Variants in PRKRIP1 observed in about 807,000 individuals in gnomAD.
The protein encoded by PRKRIP1 is PRKR interacting protein 1.
PRKRIP1 carries 29 observed loss-of-function variants against 29.3 expected under a neutral mutation model. The observed-to-expected ratio is 0.99, with a 90% CI of 0.74 to 1.35. The LOEUF (loss-of-function observed/expected upper bound fraction) is 1.35, where lower values mean the gene tolerates loss of function less well. PRKRIP1 is among the 40% of genes most tolerant of loss of function. The pLI is 0.00. For missense variants in PRKRIP1, 247 were observed against 236.8 expected (o/e 1.04, Z -0.28); for synonymous variants, 90 against 85.1 (o/e 1.06, Z -0.32).
At position 102,425,165 on chromosome 7, in the gene PRKRIP1, G is replaced by A; in HGVS notation, c.*54G>A. On this transcript the variant is annotated 3_prime_UTR_variant, in exon 6 of 6. Transcript: ENST00000397912. Reference sequence around the variant, plus strand: ...CCTGGCTCGTGCTGTGACCAGAAGGGAAAGGCGGCTGTTTGGCTCTTTCTC... The same window carrying A: ...CCTGGCTCGTGCTGTGACCAGAAGGAAAAGGCGGCTGTTTGGCTCTTTCTC... 6.4e-7 allele frequency: 1 copy of A among 1,572,862 alleles called. No homozygotes were observed. The highest frequency in any genetic ancestry group is 1.3e-5 in the African/African-American group (1 of 74,460).
chr7:102,409,367 C>T (rs1240962498), intron 5 of PRKRIP1, among the ~76,000 whole-genome samples: 3 of 152,108 alleles, frequency 2.0e-5, no homozygotes, highest in Admixed American at 2.0e-4. Flanking sequence ...ACACTTTCCC[C>T]TCCACCGCAA....
chr7:102,415,177 T>C (rs969769305), intron 5 of PRKRIP1, among the ~76,000 whole-genome samples: 1 of 152,220 alleles, frequency 6.6e-6, no homozygotes, highest in Non-Finnish European at 1.5e-5. Context: ...CCTGCAAGAC[T>C]GTGGAGGCAG....
intron 5 of PRKRIP1, 60 bp downstream of exon 5, chr7:102,407,558 G>A: frequency 4.0e-6 from 5 of 1,249,422 alleles, no homozygotes; most frequent in Non-Finnish European, 5.9e-6. Flanking sequence ...CACAGTGGCT[G>A]AACTGTCAGG....
Position 102,399,438 on chromosome 7 carries a change from A to T in PRKRIP1, c.206-110A>T, listed in dbSNP as rs1435488885. ...GGATACAGTGGGGAGAAAGGAAGGC[A>T]TGGTCCCTTCCACGACTTCCACTTT... is the stretch of plus-strand genomic sequence containing the variant. On this transcript the variant is annotated intron_variant, in intron 2 of 5. Coordinates refer to ENST00000397912, the MANE Select transcript of PRKRIP1 (RefSeq NM_024653.4). The T allele has an allele frequency of 5.0e-6, 4 of 800,408 alleles. No individual in the cohort carries two copies. In the African/African-American group the frequency reaches 5.0e-5, roughly 10 times the overall value. The allele number at this position is 800,408 out of a possible 1,614,324, so 49.6% of individuals were successfully genotyped here.
At chr7:102,407,391 TA>T (rs781850942) in intron 4 of PRKRIP1, 42 bp from the exon 5 acceptor site, 1 of 1,266,320 alleles carries the variant, frequency 7.9e-7, no homozygotes, top group Non-Finnish European at 1.2e-6. Context: ...AAATATACCA[TA>T]ATGTAGTTAA....
In PRKRIP1 at chr7:102,396,434, C is replaced by A. The variant is rs782297524; in HGVS notation, c.23C>A (p.Ser8Ter). ...GCCATGGCTAGCCCAGCCGCCTCCT[C>A]GGTGCGACCACCGAGGCCCAAGAAA... Reference protein sequence around the residue: MASPAASSVRPPRPKKEP... With the variant: MASPAAS Residue 8 changes from serine to a stop codon, truncating the protein, a stop_gained, in exon 1 of 6, where the codon TCG becomes TAG. Transcript: ENST00000397912. LOFTEE classifies it high-confidence loss of function. 1.3e-6 allele frequency: 2 copies of A among 1,590,874 alleles called. No homozygotes were observed. Among genetic ancestry groups the A allele is most frequent in the Non-Finnish European group, 1.7e-6 (2 of 1,173,874 alleles).
chr7:102,400,175 T>C (rs1554571026), intron 3 of PRKRIP1, among the ~76,000 whole-genome samples: 1 of 149,458 alleles, frequency 6.7e-6, no homozygotes, highest in East Asian at 2.0e-4. Flanking sequence ...CTGGGCGTGG[T>C]GGTGGGCAAC....
intron 3 of PRKRIP1, among the ~76,000 whole-genome samples, chr7:102,399,940 G>A (rs773008226): frequency 2.0e-5 from 3 of 151,312 alleles, no homozygotes; most frequent in Non-Finnish European, 4.4e-5. Context: ...GATGGAGGTT[G>A]CAGTGAGCCA....
chr7:102,424,518 G>A (rs981629275), intron 5 of PRKRIP1, among the ~76,000 whole-genome samples: 2 of 152,254 alleles, frequency 1.3e-5, no homozygotes, highest in Non-Finnish European at 2.9e-5. Context: ...CTGCTCACAG[G>A]TGTCAGGAGG....
chr7:102,407,592 G>T, intron 5 of PRKRIP1, 94 bp downstream of exon 5: 1 of 884,846 alleles, frequency 1.1e-6, no homozygotes, highest in East Asian at 2.5e-5. Context: ...GAGAGTTTGG[G>T]CTGGTTGGCT....
chr7:102,414,544 T>A (rs1554572860), intron 5 of PRKRIP1, among the ~76,000 whole-genome samples: 1 of 152,230 alleles, frequency 6.6e-6, no homozygotes, highest in African/African-American at 2.4e-5. Context: ...CTTCTGTGAA[T>A]ATCCTGTGTC....
intron 5 of PRKRIP1, among the ~76,000 whole-genome samples, chr7:102,418,985 C>A (rs1449625624): frequency 6.6e-6 from 1 of 152,138 alleles, no homozygotes; most frequent in African/African-American, 2.4e-5. Context: ...CATGAGCCAC[C>A]ACACCTGGCT....
intron 5 of PRKRIP1, among the ~76,000 whole-genome samples, chr7:102,412,393 A>G (rs1586687483): frequency 6.6e-6 from 1 of 152,026 alleles, no homozygotes; most frequent in East Asian, 1.9e-4. Flanking sequence ...CATCCCTACA[A>G]AATATTTAAA....
chr7:102,415,208 AC>A, intron 5 of PRKRIP1, among the ~76,000 whole-genome samples: 1 of 151,692 alleles, frequency 6.6e-6, no homozygotes, highest in African/African-American at 2.4e-5. Flanking sequence ...TTGCCATTCC[AC>A]CCCCCACGCA....
rs1554574350 is a variant in PRKRIP1 at position 102,425,563 on chromosome 7, G to A, written c.*452G>A. The A allele has an allele frequency of 3.6e-6, 1 of 279,656 alleles. No homozygotes were observed. Among genetic ancestry groups the A allele is most frequent in the Non-Finnish European group, 7.0e-6 (1 of 143,752 alleles). The allele number at this position is 279,656 out of a possible 1,614,324, so 17.3% of individuals were successfully genotyped here. On this transcript the variant is annotated 3_prime_UTR_variant, in exon 6 of 6. Transcript: ENST00000397912. ...ACGTGGACCTGGTCCCAGGCTCAGT[G>A]AGGAGATGGCCTCAGCTGTGGGGCT...
chr7:102,415,990 G>A (rs1252397378), intron 5 of PRKRIP1, among the ~76,000 whole-genome samples: 9 of 152,190 alleles, frequency 5.9e-5, no homozygotes, highest in Non-Finnish European at 1.2e-4. Flanking sequence ...TGTTCACGCC[G>A]CCTGACTTCT....
At chr7:102,401,932 T>C (rs1401253895) in intron 3 of PRKRIP1, among the ~76,000 whole-genome samples, 3 of 152,142 alleles carry the variant, frequency 2.0e-5, no homozygotes, top group African/African-American at 7.2e-5. Context: ...TGTCCTGCTC[T>C]GGAAACAGAA....
intron 5 of PRKRIP1, among the ~76,000 whole-genome samples, chr7:102,421,018 C>T (rs1796679598): frequency 6.6e-6 from 1 of 152,140 alleles, no homozygotes; most frequent in Admixed American, 6.6e-5. Flanking sequence ...GCCCAGACCT[C>T]CATGCTTACT....
chr7:102,401,751 A>C (rs1159252570), intron 3 of PRKRIP1, among the ~76,000 whole-genome samples: 1 of 151,944 alleles, frequency 6.6e-6, no homozygotes, highest in Non-Finnish European at 1.5e-5. Flanking sequence ...ACAAAAACAA[A>C]AATTAACCAG....
Sources: gnomAD v4.1 joint callset for allele counts (sites outside exome capture counted in the v4.1 genomes callset) on GRCh38, gnomAD v4.1.1 for gene constraint, MANE v1.5 for transcripts, NCBI Gene and HGNC (gene_info 2026-07-23, HGNC 2026-07-21) for gene names.